Variants in SEPTIN9 observed in about 807,000 individuals in gnomAD.
The protein encoded by SEPTIN9 is septin 9.
In SEPTIN9, 13 loss-of-function variants were observed where a neutral mutation model predicts 56.6. That is an observed-to-expected ratio of 0.23 (90% CI 0.15 to 0.37). The LOEUF is 0.37. SEPTIN9 is among the 10% of genes least tolerant of loss of function. The pLI is 1.00. For synonymous variants in SEPTIN9, 332 were observed against 334.1 expected, an observed-to-expected ratio of 0.99 and a Z score of 0.07; for missense variants, 650 against 823.1, an observed-to-expected ratio of 0.79 and a Z score of 2.57.
chr17:77,428,014 C>T (rs1018046282), intron 3 of SEPTIN9, among the ~76,000 whole-genome samples: 3 of 152,212 alleles, frequency 2.0e-5, no homozygotes, highest in Non-Finnish European at 2.9e-5. Context: ...CCTTGCACCA[C>T]GTAACTAGCC....
chr17:77,364,976 T>G lies in SEPTIN9; in HGVS notation c.77-37083T>G, dbSNP rs866601744. On this transcript the variant is annotated intron_variant, in intron 2 of 11. Transcript: ENST00000427177. ...TAAAGGGCCCCAGAGCCAGTTTTGT[T>G]TCTTCTTCCACAGGTTCCCATAGTT... Among the ~76,000 whole-genome samples the G allele has an allele frequency of 3.3e-5, 5 of 152,254 alleles. No homozygotes were observed. In the South Asian group the frequency reaches 8.3e-4, roughly 25 times the overall value.
Position 77,402,315 on chromosome 17 carries a change from C to T in SEPTIN9, c.333C>T (p.Ser111=), listed in dbSNP as rs1300517312. 6.2e-7 allele frequency: 1 copy of T among 1,612,764 alleles called. No individual in the cohort carries two copies. Among genetic ancestry groups the T allele is most frequent in the Non-Finnish European group, 8.5e-7 (1 of 1,179,796 alleles). The part of the protein sequence containing the change: ...AEPVSRRTEL[S]IDISSKQVEN... ...CGGTGTCCCGGCGCACTGAGCTGTC[C>T]ATTGACATCTCGTCCAAGCAGGTGG... The change falls in exon 3 of 12, where the codon TCC becomes TCT. Residue 111 remains serine, a synonymous_variant. Coordinates refer to ENST00000427177, the MANE Select transcript of SEPTIN9 (RefSeq NM_001113491.2). This position sits in a 1 kb window ranked among gnomAD's most constrained non-coding sequence, Gnocchi z 6.6.
intron 3 of SEPTIN9, among the ~76,000 whole-genome samples, chr17:77,443,297 G>A (rs1280805035): frequency 6.6e-6 from 1 of 152,152 alleles, no homozygotes; most frequent in African/African-American, 2.4e-5. Context: ...GGGGCAGGGT[G>A]GTTGGATTGG....
Position 77,499,894 on chromosome 17 carries a change from G to T in SEPTIN9, c.*1236G>T, listed in dbSNP as rs1443222203. The T allele has an allele frequency of 1.4e-5, 4 of 281,152 alleles. No homozygotes were observed. Among genetic ancestry groups the T allele is most frequent in the African/African-American group, 4.3e-5 (2 of 46,542 alleles). The allele number at this position is 281,152 out of a possible 1,614,324, so 17.4% of individuals were successfully genotyped here. A position where few individuals can be genotyped will look rare whatever the true frequency, so the allele number is the denominator to read the frequency against. ...CGAACCCCTAGAAAGGAGAGAACGG[G>T]CGTCAGGGGTGCACAGTCCACAGCT... On this transcript the variant is annotated 3_prime_UTR_variant, in exon 12 of 12. Transcript: ENST00000427177.
chr17:77,470,298 CCACCCATCCACT>C (rs1223574740), intron 3 of SEPTIN9, among the ~76,000 whole-genome samples: 1 of 151,830 alleles, frequency 6.6e-6, no homozygotes, highest in Non-Finnish European at 1.5e-5. Flanking sequence ...ATCTACTCAC[CCACCCATCCACT>C]CACCCATCCA....
chr17:77,366,635 C>T (rs2034579252), intron 2 of SEPTIN9, among the ~76,000 whole-genome samples: 1 of 152,216 alleles, frequency 6.6e-6, no homozygotes, highest in Non-Finnish European at 1.5e-5. Flanking sequence ...ACCACCATCC[C>T]TGCCCCTGCC....
At chr17:77,441,873 C>G (rs554457504) in intron 3 of SEPTIN9, among the ~76,000 whole-genome samples, 2 of 152,102 alleles carry the variant, frequency 1.3e-5, no homozygotes, top group Admixed American at 6.5e-5. Context: ...CTTTGAGAAA[C>G]GGGGTCCAAA....
At chr17:77,454,203 G>A (rs2038095022) in intron 3 of SEPTIN9, 2 of 985,542 alleles carry the variant, frequency 2.0e-6, no homozygotes, top group Non-Finnish European at 2.4e-6. Flanking sequence ...AAGACCTGGA[G>A]GCTGACCACC....
intron 2 of SEPTIN9, among the ~76,000 whole-genome samples, chr17:77,350,934 A>T (rs1192298801): frequency 1.3e-5 from 2 of 151,414 alleles, no homozygotes; most frequent in Non-Finnish European, 2.9e-5. Context: ...GCTTTCCTGC[A>T]GGGGGGTGTG....
Position 77,367,386 on chromosome 17 carries a change from G to A in SEPTIN9, c.77-34673G>A, listed in dbSNP as rs77717593. ...CCTTTGGGCTCATGCCCCATCAGGA[G>A]TCTCCCGACTCTGCCATTCTGCAAA... On this transcript the variant is annotated intron_variant, in intron 2 of 11. Transcript: ENST00000427177. This position sits in a 1 kb window ranked among gnomAD's most constrained non-coding sequence, Gnocchi z 4.5. Among the ~76,000 whole-genome samples the A allele has an allele frequency of 6.6e-5, 10 of 152,328 alleles. No individual in the cohort carries two copies. The East Asian group carries it at 1.9e-3, about 29-fold the overall frequency.
At chr17:77,360,848 G>A (rs1033323347) in intron 2 of SEPTIN9, among the ~76,000 whole-genome samples, 5 of 150,974 alleles carry the variant, frequency 3.3e-5, no homozygotes, top group African/African-American at 9.7e-5. Flanking sequence ...ATGCCACTGC[G>A]CCCGGCCTAG....
At chr17:77,404,356 A>G (rs574571704) in intron 3 of SEPTIN9, among the ~76,000 whole-genome samples, 2 of 152,184 alleles carry the variant, frequency 1.3e-5, no homozygotes, top group South Asian at 4.2e-4. Context: ...GTGATTCCCC[A>G]GCCTCAGCCT....
At chr17:77,448,727 G>T (rs2037848900) in intron 3 of SEPTIN9, among the ~76,000 whole-genome samples, 1 of 151,866 alleles carries the variant, frequency 6.6e-6, no homozygotes. Context: ...TTAAGTGAAT[G>T]ATATTAAAAT....
At chr17:77,390,906 T>C (rs1179886266) in intron 2 of SEPTIN9, among the ~76,000 whole-genome samples, 2 of 152,160 alleles carry the variant, frequency 1.3e-5, no homozygotes, top group African/African-American at 4.8e-5. Flanking sequence ...CTTGAATGAC[T>C]ACGGTGGGAC....
chr17:77,497,784 C>G (rs1035961172), intron 11 of SEPTIN9, among the ~76,000 whole-genome samples: 9 of 152,052 alleles, frequency 5.9e-5, no homozygotes, highest in Admixed American at 5.2e-4. Flanking sequence ...TCCCTTGAGT[C>G]CAGGCAAGGA....
At chr17:77,386,678 C>G (rs1389847964) in intron 2 of SEPTIN9, among the ~76,000 whole-genome samples, 1 of 152,200 alleles carries the variant, frequency 6.6e-6, no homozygotes. Flanking sequence ...CCACCTGATC[C>G]TTGCGGACAG....
intron 2 of SEPTIN9, among the ~76,000 whole-genome samples, chr17:77,357,970 G>A (rs566049442): frequency 4.6e-5 from 7 of 152,282 alleles, no homozygotes; most frequent in African/African-American, 1.4e-4. Flanking sequence ...AAACGAGGGC[G>A]TTAAACTGTA....
chr17:77,300,446 G>A (rs2031988568), intron 1 of SEPTIN9, among the ~76,000 whole-genome samples: 3 of 152,178 alleles, frequency 2.0e-5, no homozygotes, highest in African/African-American at 7.2e-5. Context: ...GGTGCCCAGT[G>A]TACCTCTTCA....
chr17:77,304,876 G>T (rs971943589), intron 1 of SEPTIN9, among the ~76,000 whole-genome samples: 6 of 152,124 alleles, frequency 3.9e-5, no homozygotes, highest in Non-Finnish European at 8.8e-5. Context: ...GGTGCTCATG[G>T]CCATCGTGGA....
Sources: allele counts gnomAD v4.1 joint callset (sites outside exome capture counted in the v4.1 genomes callset), GRCh38; gene constraint gnomAD v4.1.1; non-coding constraint Gnocchi (gnomAD v3.1); transcripts MANE v1.5; gene names NCBI Gene and HGNC (gene_info 2026-07-23, HGNC 2026-07-21).